The following RNASEH1 variants were observed in gnomAD, a reference collection of about 807,000 sequenced individuals.
RNASEH1 encodes ribonuclease H1.
RNASEH1 carries 27 observed loss-of-function variants against 34.6 expected under a neutral mutation model. The ratio of observed to expected loss-of-function variants is 0.78; its 90% CI spans 0.58 to 1.08. RNASEH1 has a LOEUF of 1.08. Ranked by LOEUF, RNASEH1 falls within the 50% of genes least tolerant of loss-of-function variation. The pLI is 0.00. For missense variants in RNASEH1, 349 were observed against 373.6 expected, an observed-to-expected ratio of 0.93 and a Z score of 0.54; for synonymous variants, 162 against 138.4, an observed-to-expected ratio of 1.17 and a Z score of -1.20.
downstream of RNASEH1, among the ~76,000 whole-genome samples, chr2:3,538,821 G>C (rs1668135248): frequency 6.6e-6 from 1 of 152,218 alleles, no homozygotes; most frequent in South Asian, 2.1e-4. Flanking sequence ...GTCTGGTGTT[G>C]AGTGGTGCCC....
chr2:3,542,050 CAAAGAAAGA>C lies in RNASEH1; in HGVS notation c.*3726_*3734del, dbSNP rs1216815357. Among the ~76,000 whole-genome samples, 3 of 151,976 alleles carry C rather than the reference CAAAGAAAGA, an allele frequency of 2.0e-5. No individual in the cohort carries two copies. Among genetic ancestry groups the C allele is most frequent in the Admixed American group, 6.6e-5 (1 of 15,256 alleles). ...ACAACTTTTAAAACTCAAAAAGAAA[CAAAGAAAGA>C]GATAAAAGAGATTCAAGAGACAGTG... On this transcript the variant is annotated 3_prime_UTR_variant, in exon 8 of 8. Coordinates refer to ENST00000315212, the MANE Select transcript of RNASEH1 (RefSeq NM_002936.6).
At chr2:3,532,962 C>G in the RNASEH1 span, 1 of 152,256 alleles carries the variant, frequency 6.6e-6, no homozygotes, top group African/African-American at 2.4e-5. Flanking sequence ...CAGAGCGAGG[C>G]GAGAACCCAG....
At chr2:3,548,750 G>A in intron 5 of RNASEH1, 26 bp from the exon 6 acceptor site, 1 of 1,557,626 alleles carries the variant, frequency 6.4e-7, no homozygotes, top group African/African-American at 1.4e-5. Flanking sequence ...CGATAGTCAT[G>A]CTACAGAAAA....
At chr2:3,557,856 T>A in intron 1 of RNASEH1, 1 of 1,443,200 alleles carries the variant, frequency 6.9e-7, no homozygotes, top group Non-Finnish European at 9.3e-7. Flanking sequence ...GCAACAAAGA[T>A]GGAGGATTAA....
At chr2:3,555,940 G>A (rs910782459) in intron 2 of RNASEH1, among the ~76,000 whole-genome samples, 39 of 152,276 alleles carry the variant, frequency 2.6e-4, no homozygotes, top group African/African-American at 9.1e-4. Context: ...GGAGGCCAAA[G>A]CAGGTGAATC....
intron 7 of RNASEH1, among the ~76,000 whole-genome samples, chr2:3,547,321 C>T (rs1158647129): frequency 1.3e-5 from 2 of 152,074 alleles, no homozygotes; most frequent in African/African-American, 4.8e-5. Context: ...AGACTACAGG[C>T]ATGTGCCACT....
intron 2 of RNASEH1, among the ~76,000 whole-genome samples, chr2:3,554,539 A>G (rs1319141728): frequency 6.6e-6 from 1 of 152,282 alleles, no homozygotes; most frequent in Non-Finnish European, 1.5e-5. Context: ...AAAGGGGCTA[A>G]GACTTTTTGA....
the RNASEH1 span, among the ~76,000 whole-genome samples, chr2:3,532,772 G>A: frequency 6.6e-6 from 1 of 152,234 alleles, no homozygotes; most frequent in African/African-American, 2.4e-5. Context: ...TTTAGTGAAA[G>A]TGTTCACTGA....
At chr2:3,547,351 T>C (rs1183467564) in intron 7 of RNASEH1, among the ~76,000 whole-genome samples, 1 of 152,132 alleles carries the variant, frequency 6.6e-6, no homozygotes, top group African/African-American at 2.4e-5. Context: ...TAATTTTTTA[T>C]TTTTTCGAGA....
chr2:3,540,687 G>A (rs1209764966), downstream of RNASEH1, among the ~76,000 whole-genome samples: 4 of 152,186 alleles, frequency 2.6e-5, no homozygotes, highest in Non-Finnish European at 1.5e-5. Flanking sequence ...GACTACAGGC[G>A]TGAGCCACTG....
chr2:3,553,962 C>G (rs1660243380), intron 2 of RNASEH1, among the ~76,000 whole-genome samples: 1 of 152,220 alleles, frequency 6.6e-6, no homozygotes, highest in African/African-American at 2.4e-5. Flanking sequence ...AACCAACTAC[C>G]TGCAAACTAA....
At chr2:3,532,375 G>A in the RNASEH1 span, 28 of 702,040 alleles carry the variant, frequency 4.0e-5, no homozygotes, top group East Asian at 3.2e-4. Flanking sequence ...GAGAGGGCCC[G>A]ATCAGAACGT....
In RNASEH1 at chr2:3,545,867, T is replaced by C. The variant is rs374008595; in HGVS notation, c.779A>G (p.His260Arg). The C allele has an allele frequency of 1.2e-6, 2 of 1,607,974 alleles. No homozygotes were observed. The highest frequency in any genetic ancestry group is 1.1e-5 in the South Asian group (1 of 90,922). Residue 260 changes from histidine (H) to arginine (R), a missense_variant, in exon 8 of 8, where the codon CAT becomes CGT. Transcript: ENST00000315212. ...TATAAATCCCGAATGACCAGGAACA[T>C]GCATCTGTTAAGATAAATGTTTTCC... ...LTQGMDIQWM[H>R]VPGHSGFIGN...
Position 3,545,810 on chromosome 2 carries a change from T to A in RNASEH1, c.836A>T (p.Glu279Val), listed in dbSNP as rs758938567. ...TCAGTCTTCCGATTGTTTAGCTCCT[T>A]CTCTGGCTAATCTGTCAGCTTCTTC... ...GNEEADRLAR[E>V]GAKQSED is the part of the protein sequence containing the mutation. The change falls in exon 8 of 8, where the codon GAA becomes GTA. Residue 279 changes from glutamate to valine, a missense_variant. By Grantham distance (121) the Glu-to-Val change is moderately radical. This residue lies in a region of RNASEH1 where 93 missense variants were observed against 132.9 expected (regional missense o/e 0.70). Transcript: ENST00000315212. The A allele has an allele frequency of 1.2e-6, 2 of 1,613,812 alleles. No homozygotes were observed. Among genetic ancestry groups the A allele is most frequent in the Non-Finnish European group, 1.7e-6 (2 of 1,179,664 alleles).
chr2:3,547,673 A>C (rs1197131310), intron 7 of RNASEH1, among the ~76,000 whole-genome samples: 2 of 151,808 alleles, frequency 1.3e-5, no homozygotes, highest in African/African-American at 4.8e-5. Flanking sequence ...TTTTTTAATA[A>C]AGATGGGGTT....
chr2:3,555,410 C>G (rs1016758810), intron 2 of RNASEH1, among the ~76,000 whole-genome samples: 2 of 152,162 alleles, frequency 1.3e-5, no homozygotes, highest in South Asian at 4.1e-4. Context: ...TGTCCTCATT[C>G]TCAAACAGAA....
Position 3,556,774 on chromosome 2 carries a change from A to C in RNASEH1, c.244+15T>G. On this transcript the variant is annotated intron_variant, in intron 2 of 7. Coordinates refer to ENST00000315212, the MANE Select transcript of RNASEH1 (RefSeq NM_002936.6). ...GAATAGGTTAAAATGTCACACTGAT[A>C]TGAGAGGTGACTACCTTCTGAAACT... 6.4e-7 allele frequency: 1 copy of C among 1,551,350 alleles called. No individual in the cohort carries two copies. Among genetic ancestry groups the C allele is most frequent in the Non-Finnish European group, 8.9e-7 (1 of 1,122,674 alleles).
intron 4 of RNASEH1, 82 bp from the exon 5 acceptor site, chr2:3,549,194 AGT>A: frequency 9.9e-7 from 1 of 1,008,496 alleles, no homozygotes; most frequent in Non-Finnish European, 1.6e-6. Context: ...ACGATAAACT[AGT>A]GTGTATTCTT....
At chr2:3,552,095 C>A (rs1307702096) in intron 3 of RNASEH1, 49 bp downstream of exon 3, 1 of 1,523,998 alleles carries the variant, frequency 6.6e-7, no homozygotes, top group East Asian at 2.3e-5. Context: ...TTACACATAA[C>A]ATTTTCCTGA....
Sources: gnomAD v4.1 joint callset for allele counts (sites outside exome capture counted in the v4.1 genomes callset) on GRCh38, gnomAD v4.1.1 for gene constraint, gnomAD v4.1.1 regional missense constraint, MANE v1.5 for transcripts, NCBI Gene and HGNC (gene_info 2026-07-23, HGNC 2026-07-21) for gene names.